AKAP6: variants seen among roughly 807,000 people sequenced by gnomAD.
The protein encoded by AKAP6 is A-kinase anchor protein 6.
Under a neutral mutation model 188.5 loss-of-function variants are expected in AKAP6, and 58 were observed. The ratio of observed to expected loss-of-function variants is 0.31; its 90% CI spans 0.25 to 0.38. The LOEUF (loss-of-function observed/expected upper bound fraction) is 0.38, where lower values mean the gene tolerates loss of function less well. Among genes scored for constraint, AKAP6 ranks in the 10% least tolerant of loss-of-function variants. The pLI, the probability that AKAP6 is intolerant of heterozygous loss-of-function variation, is 1.00. For missense variants in AKAP6, 2,710 were observed against 2,740.0 expected (o/e 0.99, Z 0.24); for synonymous variants, 989 against 998.6 (o/e 0.99, Z 0.18).
intron 4 of AKAP6, among the ~76,000 whole-genome samples, chr14:32,567,679 C>T (rs1296113923): frequency 6.6e-6 from 1 of 152,074 alleles, no homozygotes; most frequent in African/African-American, 2.4e-5. Context: ...GCAAATACTC[C>T]CATCAAGCCA....
chr14:32,409,973 C>T (rs1194165051), intron 1 of AKAP6, among the ~76,000 whole-genome samples: 1 of 152,090 alleles, frequency 6.6e-6, no homozygotes, highest in South Asian at 2.1e-4. Context: ...TTTTATTTAA[C>T]CCTGTGTAAC....
chr14:32,788,826 A>G (rs1037218957), intron 12 of AKAP6, among the ~76,000 whole-genome samples: 3 of 152,166 alleles, frequency 2.0e-5, no homozygotes, highest in Non-Finnish European at 2.9e-5. Context: ...ATCCATTCAT[A>G]TCCCTAGGAA....
At chr14:32,465,479 G>A (rs561780501) in intron 2 of AKAP6, among the ~76,000 whole-genome samples, 66 of 152,260 alleles carry the variant, frequency 4.3e-4, no homozygotes, top group African/African-American at 1.5e-3. Flanking sequence ...ACAAAAACAA[G>A]CAATGGGGCA....
intron 4 of AKAP6, among the ~76,000 whole-genome samples, chr14:32,571,097 CA>C (rs2139243076): frequency 1.3e-5 from 2 of 152,154 alleles, no homozygotes; most frequent in Non-Finnish European, 2.9e-5. Context: ...TCTACTTGTA[CA>C]AAATACTTAA....
chr14:32,821,619 G>C lies in AKAP6; in HGVS notation c.3806G>C (p.Gly1269Ala), dbSNP rs776729526. The change falls in exon 13 of 14, where the codon GGG becomes GCG. Residue 1269 changes from glycine to alanine, a missense_variant. By Grantham distance (60) the Gly-to-Ala change is moderately conservative. Transcript: ENST00000280979. ...TATGACGAGGAGGCTGATAACCATG[G>C]GGGATCTCAGTATGCCTCAAATATT... The part of the protein sequence containing the change: ...PGYDEEADNH[G>A]GSQYASNITA... 22 of 1,613,514 alleles carry C rather than the reference G, an allele frequency of 1.4e-5. No homozygotes were observed. The highest frequency in any genetic ancestry group is 1.4e-5 in the Non-Finnish European group (17 of 1,179,878).
chr14:32,446,296 G>C (rs922860358), intron 2 of AKAP6, among the ~76,000 whole-genome samples: 4 of 152,142 alleles, frequency 2.6e-5, no homozygotes, highest in African/African-American at 9.6e-5. Flanking sequence ...AATTCTGGTA[G>C]TTATCCCATA....
At chr14:32,564,604 C>T (rs1884107407) in intron 4 of AKAP6, among the ~76,000 whole-genome samples, 1 of 152,100 alleles carries the variant, frequency 6.6e-6, no homozygotes, top group Non-Finnish European at 1.5e-5. Flanking sequence ...AAGATCAGTT[C>T]CCTAATTGGA....
chr14:32,510,436 G>GTATATATGTATATATATACATATATA (rs1555335161), intron 2 of AKAP6, among the ~76,000 whole-genome samples: 2 of 30,258 alleles, frequency 6.6e-5, no homozygotes, highest in Non-Finnish European at 1.4e-4. Context: ...ATATATATAT[G>GTATATATGTATATATATACATATATA]TGTATATATA....
intron 7 of AKAP6, among the ~76,000 whole-genome samples, chr14:32,612,428 C>CTACTTTATCATCTCATCTTTCATGA (rs1886387836): frequency 1.3e-5 from 2 of 152,066 alleles, no homozygotes; most frequent in African/African-American, 4.8e-5. Flanking sequence ...AGACAGAACC[C>CTACTTTATCATCTCATCTTTCATGA]TACTTTATCA....
At position 32,833,015 on chromosome 14, in the gene AKAP6, G is replaced by A. The variant is rs1048474688; in HGVS notation, c.*3210G>A. 10 of 152,534 alleles carry A rather than the reference G, an allele frequency of 6.6e-5. No individual in the cohort carries two copies. Among genetic ancestry groups the A allele is most frequent in the Non-Finnish European group, 1.2e-4 (8 of 68,016 alleles). 9.4% of individuals were successfully genotyped at this position (152,534 alleles called of 1,614,324 possible). On this transcript the variant is annotated 3_prime_UTR_variant, in exon 14 of 14. Coordinates refer to ENST00000280979, the MANE Select transcript of AKAP6 (RefSeq NM_004274.5). ...TTCTCTAGAAATATATTCAAGATAT[G>A]TTTATTCTATTATTGTAAATTTCAA...
chr14:32,586,145 A>G (rs961436761), intron 5 of AKAP6, among the ~76,000 whole-genome samples: 9 of 152,174 alleles, frequency 5.9e-5, no homozygotes, highest in African/African-American at 2.2e-4. Flanking sequence ...ATAGTATTTG[A>G]AGGATATGCT....
chr14:32,642,179 T>A (rs542423239), intron 7 of AKAP6, among the ~76,000 whole-genome samples: 3 of 152,334 alleles, frequency 2.0e-5, no homozygotes, highest in East Asian at 3.9e-4. Flanking sequence ...GTTGTTATAC[T>A]TGGCTAGTTA....
intron 1 of AKAP6, among the ~76,000 whole-genome samples, chr14:32,408,180 A>G (rs1044281096): frequency 1.3e-5 from 2 of 152,182 alleles, no homozygotes; most frequent in Non-Finnish European, 2.9e-5. Flanking sequence ...GTGGTTGAAC[A>G]AGAACTCCTC....
chr14:32,823,294 C>A lies in AKAP6; in HGVS notation c.5481C>A (p.Gly1827=). The A allele has an allele frequency of 6.2e-7, 1 of 1,613,674 alleles. No individual in the cohort carries two copies. Among genetic ancestry groups the A allele is most frequent in the South Asian group, 1.1e-5 (1 of 91,054 alleles). Residue 1827 remains glycine (G), a synonymous_variant, in exon 13 of 14, where the codon GGC becomes GGA. Transcript: ENST00000280979. Reference sequence around the variant, plus strand: ...GCAATGTCAGTGATGAGATGAAGGGCAGTAAAGATATAAGTAGCAGTGAGA... The same window carrying A: ...GCAATGTCAGTGATGAGATGAAGGGAAGTAAAGATATAAGTAGCAGTGAGA... The part of the protein sequence containing the change: ...KRCNVSDEMK[G]SKDISSSEMT...
rs775639877 is a variant in AKAP6, at chr14:32,764,965, C to G, written c.3373-8713C>G. ...TTTTTTTTTTTTTGAGACGGAATCT[C>G]TCTCTGTCACCAGGGCTGGAATGCG... On this transcript the variant is annotated intron_variant, in intron 11 of 13. Coordinates refer to ENST00000280979, the MANE Select transcript of AKAP6 (RefSeq NM_004274.5). Among the ~76,000 whole-genome samples the G allele has an allele frequency of 4.0e-4, 54 of 136,696 alleles. No individual in the cohort carries two copies. The Middle Eastern group carries it at 0.018, about 46-fold the overall frequency. The allele number at this position is 136,696 out of a possible 152,430, so 89.7% of individuals were successfully genotyped here.
chr14:32,530,185 C>T (rs926403956), intron 2 of AKAP6, among the ~76,000 whole-genome samples: 1 of 151,840 alleles, frequency 6.6e-6, no homozygotes, highest in Non-Finnish European at 1.5e-5. Flanking sequence ...TGCCACCACA[C>T]TTGACTAATT....
intron 3 of AKAP6, among the ~76,000 whole-genome samples, chr14:32,542,190 G>A (rs1882984674): frequency 1.3e-5 from 2 of 152,278 alleles, no homozygotes; most frequent in Admixed American, 6.5e-5. Context: ...TGGTCACATA[G>A]CTAATTAGTG....
intron 2 of AKAP6, among the ~76,000 whole-genome samples, chr14:32,531,504 A>G (rs1183267081): frequency 6.6e-6 from 1 of 152,222 alleles, no homozygotes; most frequent in Non-Finnish European, 1.5e-5. Context: ...ATTAGTTTAA[A>G]AATTATCATA....
At chr14:32,439,113 A>G (rs556741311) in intron 2 of AKAP6, 1 of 152,272 alleles carries the variant, frequency 6.6e-6, no homozygotes, top group South Asian at 2.1e-4. Flanking sequence ...CATGACTCTC[A>G]AAGTTAGAGT....
Sources: gnomAD v4.1 joint callset for allele counts (sites outside exome capture counted in the v4.1 genomes callset) on GRCh38, gnomAD v4.1.1 for gene constraint, MANE v1.5 for transcripts, NCBI Gene and HGNC (gene_info 2026-07-23, HGNC 2026-07-21) for gene names.